MAPK6: variants seen among roughly 807,000 people sequenced by gnomAD.
The protein encoded by MAPK6 is mitogen-activated protein kinase 6.
MAPK6 carries 19 observed loss-of-function variants against 59.3 expected under a neutral mutation model. That is an observed-to-expected ratio of 0.32 (90% CI 0.22 to 0.47). The LOEUF (loss-of-function observed/expected upper bound fraction) is 0.47, where lower values mean the gene tolerates loss of function less well. Ranked by LOEUF, MAPK6 falls within the 20% of genes least tolerant of loss-of-function variation. The probability of loss-of-function intolerance (pLI) is 1.00; values close to 1 mark genes in which losing one functional copy is unlikely to be tolerated. For synonymous variants in MAPK6, 316 were observed against 290.3 expected, an observed-to-expected ratio of 1.09 and a Z score of -0.90; for missense variants, 724 against 847.9, an observed-to-expected ratio of 0.85 and a Z score of 1.81.
chr15:52,048,308 C>T (rs898135253), intron 2 of MAPK6, among the ~76,000 whole-genome samples: 2 of 152,198 alleles, frequency 1.3e-5, no homozygotes, highest in African/African-American at 4.8e-5. Context: ...CGCCACCACG[C>T]CCAGCCCACA....
In MAPK6 at chr15:52,046,659, A is replaced by G; in HGVS notation, c.199A>G (p.Lys67Glu). 1 of 1,614,186 alleles carries G rather than the reference A, an allele frequency of 6.2e-7. No homozygotes were observed. The highest frequency in any genetic ancestry group is 8.5e-7 in the Non-Finnish European group (1 of 1,180,022). Residue 67 changes from lysine to glutamate, a missense_variant, in exon 2 of 6, where the codon AAA (lysine) becomes GAA (glutamate). Transcript: ENST00000261845. ...TGTCAAACATGCTCTACGTGAAATCAAAATTATTAGAAGACTTGACCATGA... is the reference window on the plus strand; with the variant it reads ...TGTCAAACATGCTCTACGTGAAATCGAAATTATTAGAAGACTTGACCATGA... ...QSVKHALREI[K>E]IIRRLDHDNI...
At chr15:51,973,941 C>T (rs574226226) in intron 1 of MAPK6, among the ~76,000 whole-genome samples, 3 of 151,786 alleles carry the variant, frequency 2.0e-5, no homozygotes, top group Non-Finnish European at 4.4e-5. Context: ...CCTGAGCCAC[C>T]GTGCCCAGCC....
chr15:52,054,842 C>CA (rs1304441491), intron 3 of MAPK6, among the ~76,000 whole-genome samples: 1 of 151,970 alleles, frequency 6.6e-6, no homozygotes, highest in Non-Finnish European at 1.5e-5. Context: ...AACAATCGTA[C>CA]AATGGTGCGA....
intron 2 of MAPK6, among the ~76,000 whole-genome samples, chr15:52,047,493 G>A (rs2017974): frequency 0.71 from 107,658 of 151,780 alleles, 40,474 homozygotes; most frequent in Non-Finnish European, 0.84. Context: ...TTACAGGTGC[G>A]TGCCATCATG....
chr15:52,058,604 G>A (rs1174694076), intron 3 of MAPK6, 29 bp from the exon 4 acceptor site: 14 of 1,555,408 alleles, frequency 9.0e-6, no homozygotes, highest in Non-Finnish European at 1.1e-5. Flanking sequence ...ATTGAGGAAT[G>A]TGTTTTTTTG....
chr15:52,041,001 A>C (rs1487724476), intron 1 of MAPK6, among the ~76,000 whole-genome samples: 1 of 152,190 alleles, frequency 6.6e-6, no homozygotes, highest in East Asian at 1.9e-4. Flanking sequence ...CACTCCCCAA[A>C]CAACCCAGAA....
intron 2 of MAPK6, among the ~76,000 whole-genome samples, chr15:51,998,180 A>G (rs930751483): frequency 7.3e-5 from 11 of 151,332 alleles, no homozygotes; most frequent in African/African-American, 2.7e-4. Flanking sequence ...CTGACCTCGT[A>G]ATCCACCCGC....
At chr15:52,044,904 G>C (rs2031550344) in intron 1 of MAPK6, among the ~76,000 whole-genome samples, 2 of 143,952 alleles carry the variant, frequency 1.4e-5, no homozygotes, top group African/African-American at 5.2e-5. Flanking sequence ...TATGAATTTG[G>C]TATTTGTCTC....
At chr15:51,983,435 C>T (rs373668706) in intron 2 of MAPK6, among the ~76,000 whole-genome samples, 3 of 151,834 alleles carry the variant, frequency 2.0e-5, no homozygotes, top group East Asian at 1.9e-4. Context: ...GCAGAGATCA[C>T]GCCATTGCAC....
chr15:52,055,007 T>C (rs2031919658), intron 3 of MAPK6, among the ~76,000 whole-genome samples: 1 of 152,244 alleles, frequency 6.6e-6, no homozygotes. Flanking sequence ...CTCAAATTCC[T>C]GACCTCAGGT....
intron 2 of MAPK6, among the ~76,000 whole-genome samples, chr15:51,998,337 T>G (rs1198665855): frequency 6.6e-6 from 1 of 152,008 alleles, no homozygotes; most frequent in African/African-American, 2.4e-5. Context: ...CCCAAGTAGC[T>G]GGGATTACAG....
intron 1 of MAPK6, among the ~76,000 whole-genome samples, chr15:52,044,640 AT>A (rs537632566): frequency 1.2e-4 from 18 of 145,248 alleles, no homozygotes; most frequent in African/African-American, 1.0e-4. Context: ...ACCAAGTTGC[AT>A]TTTTTTTTTT....
At chr15:52,060,682 C>A (rs990625005) in intron 4 of MAPK6, among the ~76,000 whole-genome samples, 1 of 152,086 alleles carries the variant, frequency 6.6e-6, no homozygotes, top group South Asian at 2.1e-4. Flanking sequence ...ATGGGAAGAA[C>A]TGGATTTGTG....
At chr15:51,978,218 C>T (rs759112018) in intron 1 of MAPK6, among the ~76,000 whole-genome samples, 3 of 151,666 alleles carry the variant, frequency 2.0e-5, no homozygotes, top group East Asian at 3.9e-4. Context: ...CTGCAGCCTC[C>T]GTCTCCTGGG....
intron 2 of MAPK6, 24 bp from the exon 3 acceptor site, chr15:52,049,968 AG>A (rs768951308): frequency 1.2e-4 from 198 of 1,596,542 alleles, no homozygotes; most frequent in Non-Finnish European, 1.6e-4. Context: ...AAGTAAAAAA[AG>A]TATGTTTTTT....
rs763052648 is a variant in MAPK6 at position 52,049,990 on chromosome 15, T to C, written c.556-3T>C. On this transcript the variant is annotated splice_region_variant and splice_polypyrimidine_tract_variant and intron_variant, in intron 2 of 5. Transcript: ENST00000261845. ...AAAAGTATGTTTTTTGTTTCTTTTA[T>C]AGGGTCATCTTTCTGAAGGATTGGT... is the stretch of plus-strand genomic sequence containing the variant. 2 of 1,609,696 alleles carry C rather than the reference T, an allele frequency of 1.2e-6. No individual in the cohort carries two copies. Among genetic ancestry groups the C allele is most frequent in the Non-Finnish European group, 1.7e-6 (2 of 1,177,792 alleles).
intron 3 of MAPK6, chr15:52,057,080 A>G (rs1211806522): frequency 6.6e-6 from 1 of 152,096 alleles, no homozygotes; most frequent in Non-Finnish European, 1.5e-5. Context: ...CTGTTAGCAC[A>G]GATCCTGTGG....
rs1313219972 is a variant in MAPK6 at position 51,998,031 on chromosome 15, C to T, written c.-769-6234C>T. Among the ~76,000 whole-genome samples, 3 of 151,956 alleles carry T rather than the reference C, an allele frequency of 2.0e-5. No homozygotes were observed. In the East Asian group the frequency reaches 5.8e-4, roughly 29 times the overall value. ...TGATCTCAGCTCACTGCAACCTCTA[C>T]CTCCCGTGTTCAAGCAATTCTCCCG... On this transcript the variant is annotated intron_variant, in intron 2 of 7. Transcript: ENST00000691380.
At chr15:52,018,037 A>AT (rs397969306), upstream of MAPK6, 3,175 of 148,792 alleles carry the variant, frequency 0.021, 52 homozygotes, top group Non-Finnish European at 0.033. Flanking sequence ...TTACTCTGTG[A>AT]TTTTTTTTTT....
Sources: gnomAD v4.1 joint callset for allele counts (sites outside exome capture counted in the v4.1 genomes callset) on GRCh38, gnomAD v4.1.1 for gene constraint, MANE v1.5 for transcripts, NCBI Gene and HGNC (gene_info 2026-07-23, HGNC 2026-07-21) for gene names.